ERC1: variants seen among roughly 807,000 people sequenced by gnomAD.
The protein encoded by ERC1 is ELKS/RAB6-interacting/CAST family member 1, also known as RAB6 interacting protein 2.
Under a neutral mutation model 132.0 loss-of-function variants are expected in ERC1, and 56 were observed. The observed-to-expected ratio is 0.42, with a 90% CI of 0.34 to 0.53. The LOEUF is 0.53. Ranked by LOEUF, ERC1 falls within the 20% of genes least tolerant of loss-of-function variation. The pLI, the probability that ERC1 is intolerant of heterozygous loss-of-function variation, is 0.03. For synonymous variants in ERC1, 478 were observed against 476.1 expected (o/e 1.00, Z -0.05); for missense variants, 1,202 against 1,349.9 (o/e 0.89, Z 1.72).
In ERC1 at chr12:1,378,315, A is replaced by G. The variant is rs566886782; in HGVS notation, c.2925+6338A>G. On this transcript the variant is annotated intron_variant, in intron 16 of 18. Coordinates refer to ENST00000360905, the MANE Select transcript of ERC1 (RefSeq NM_178040.4). Reference sequence around the variant, plus strand: ...GAGACAGTAAATAATTGATTCTTACATGTCAGACTGATTGTCGGCTCTCTG... The same window carrying G: ...GAGACAGTAAATAATTGATTCTTACGTGTCAGACTGATTGTCGGCTCTCTG... 3.3e-5 allele frequency among the ~76,000 whole-genome samples: 5 copies of G among 152,358 alleles called. No homozygotes were observed. The South Asian group carries it at 8.3e-4, about 25-fold the overall frequency.
chr12:1,121,217 C>T (rs551351105), intron 7 of ERC1, among the ~76,000 whole-genome samples: 11 of 152,284 alleles, frequency 7.2e-5, no homozygotes, highest in African/African-American at 2.2e-4. Flanking sequence ...CGATTCAAAC[C>T]CGCAAACTTG....
chr12:1,291,296 TA>T (rs2079434909), intron 15 of ERC1, among the ~76,000 whole-genome samples: 1 of 152,068 alleles, frequency 6.6e-6, no homozygotes, highest in South Asian at 2.1e-4. Context: ...TGGATTGGCA[TA>T]GGGGGAGAAT....
rs142103133 is a variant in ERC1, at chr12:1,390,582, A to G, written c.2926-17567A>G. 4.7e-4 allele frequency: 72 copies of G among 152,354 alleles called. 2 individuals carry two copies. In the East Asian group the frequency reaches 0.013, roughly 27 times the overall value. 9.4% of individuals were successfully genotyped at this position (152,354 alleles called of 1,614,324 possible). On this transcript the variant is annotated intron_variant, in intron 16 of 18. Coordinates refer to ENST00000360905, the MANE Select transcript of ERC1 (RefSeq NM_178040.4). ...AACCTAAAAACTGGAAGGAAAGTCA[A>G]AAGTACTTACCAGAGCATGCTTAGG... is the stretch of plus-strand genomic sequence containing the variant.
At chr12:1,084,180 ACTTTTC>A (rs1942636946) in intron 3 of ERC1, among the ~76,000 whole-genome samples, 2 of 152,168 alleles carry the variant, frequency 1.3e-5, no homozygotes, top group African/African-American at 4.8e-5. Context: ...ATAATTTTTT[ACTTTTC>A]TAAATAATGT....
intron 15 of ERC1, among the ~76,000 whole-genome samples, chr12:1,313,061 A>G (rs573949405): frequency 6.6e-6 from 1 of 152,170 alleles, no homozygotes; most frequent in African/African-American, 2.4e-5. Context: ...TTAATAGGCA[A>G]TTTGGGGCTG....
intron 6 of ERC1, 157 bp downstream of exon 6, chr12:1,112,455 C>A (rs766745254): frequency 3.7e-5 from 20 of 543,452 alleles, no homozygotes; most frequent in Non-Finnish European, 6.0e-5. Flanking sequence ...TTAACTGACT[C>A]CTGTTCACTA....
chr12:1,155,869 A>AT (rs1011872613), intron 8 of ERC1, among the ~76,000 whole-genome samples: 1 of 151,894 alleles, frequency 6.6e-6, no homozygotes, highest in African/African-American at 2.4e-5. Flanking sequence ...AAGGTAAAAA[A>AT]AAAATAAATA....
At chr12:1,431,704 A>G (rs1444678423) in intron 17 of ERC1, among the ~76,000 whole-genome samples, 1 of 152,154 alleles carries the variant, frequency 6.6e-6, no homozygotes, top group South Asian at 2.1e-4. Flanking sequence ...ATTATTCTTG[A>G]TACAAGTACT....
At chr12:1,309,368 T>C (rs1354799085) in intron 15 of ERC1, among the ~76,000 whole-genome samples, 1 of 152,214 alleles carries the variant, frequency 6.6e-6, no homozygotes, top group Non-Finnish European at 1.5e-5. Context: ...GGTGCTGCAG[T>C]GCACAATTTG....
At chr12:1,122,229 A>G (rs376577046) in intron 7 of ERC1, among the ~76,000 whole-genome samples, 1 of 46,020 alleles carries the variant, frequency 2.2e-5, no homozygotes, top group African/African-American at 1.3e-4. Context: ...CTCTATCTCT[A>G]TCTCTATCTG....
At chr12:1,451,010 G>T (rs1394164498) in intron 18 of ERC1, among the ~76,000 whole-genome samples, 1 of 152,110 alleles carries the variant, frequency 6.6e-6, no homozygotes, top group East Asian at 1.9e-4. Context: ...GTTTTCTGTT[G>T]TTGTTGTTAC....
chr12:1,494,666 G>C lies in ERC1; in HGVS notation c.*4436G>C, dbSNP rs1565556041. 1 of 230,994 alleles carries C rather than the reference G, an allele frequency of 4.3e-6. No homozygotes were observed. Among genetic ancestry groups the C allele is most frequent in the Admixed American group, 5.6e-5 (1 of 17,706 alleles). 14.3% of individuals were successfully genotyped at this position (230,994 alleles called of 1,614,324 possible). A position where few individuals can be genotyped will look rare whatever the true frequency, so the allele number is the denominator to read the frequency against. Reference sequence around the variant, plus strand: ...GAAGTGGTTTTAGGGATTGATTTGGGGGAGCGGGTTTTTGTCCCATCCCAC... The same window carrying C: ...GAAGTGGTTTTAGGGATTGATTTGGCGGAGCGGGTTTTTGTCCCATCCCAC... On this transcript the variant is annotated 3_prime_UTR_variant, in exon 19 of 19. Coordinates refer to ENST00000360905, the MANE Select transcript of ERC1 (RefSeq NM_178040.4).
rs866450051 is a variant in ERC1, at chr12:1,363,655, A to G, written c.2781-8178A>G. Among the ~76,000 whole-genome samples the G allele has an allele frequency of 1.1e-4, 16 of 151,118 alleles. 1 individual carries two copies. In the South Asian group the frequency reaches 2.1e-3, roughly 20 times the overall value. On this transcript the variant is annotated intron_variant, in intron 15 of 18. Transcript: ENST00000360905. ...CTGCAGCCTCGACCTCCTGGGCTCA[A>G]AGGATGCTCCCACCTCAGTCCCCCA...
At chr12:1,215,703 T>A (rs1036760706) in intron 12 of ERC1, among the ~76,000 whole-genome samples, 1 of 152,120 alleles carries the variant, frequency 6.6e-6, no homozygotes, top group African/African-American at 2.4e-5. Flanking sequence ...AATGAGTGCA[T>A]GTATGCTCTT....
At chr12:1,264,541 G>A (rs1173369665) in intron 14 of ERC1, among the ~76,000 whole-genome samples, 3 of 152,074 alleles carry the variant, frequency 2.0e-5, no homozygotes, top group African/African-American at 7.2e-5. Context: ...GCGGGCGCCT[G>A]TAGTCCCAGC....
chr12:1,149,210 A>T lies in ERC1; in HGVS notation c.1737+7423A>T, dbSNP rs535711780. On this transcript the variant is annotated intron_variant, in intron 8 of 18. Transcript: ENST00000360905. The stretch of plus-strand genomic sequence containing the variant: ...TTTTCTTGGTAAAACGTGCAGTTTT[A>T]TGTATTTTTAGGCAGGAGTAACAAC... Among the ~76,000 whole-genome samples, 363 of 152,242 alleles carry T rather than the reference A, an allele frequency of 2.4e-3. 1 individual carries two copies. Among genetic ancestry groups the T allele is most frequent in the African/African-American group, 7.6e-3 (317 of 41,566 alleles).
At chr12:1,125,266 T>A (rs541955302) in intron 7 of ERC1, among the ~76,000 whole-genome samples, 1 of 151,782 alleles carries the variant, frequency 6.6e-6, no homozygotes, top group South Asian at 2.1e-4. Flanking sequence ...AGTGCTGGGA[T>A]TACAGGCATG....
At chr12:1,460,981 T>TTTTTTTTTTTTTTTTTC (rs61029874) in intron 18 of ERC1, among the ~76,000 whole-genome samples, 1 of 137,788 alleles carries the variant, frequency 7.3e-6, no homozygotes, top group African/African-American at 2.9e-5. Flanking sequence ...TTTTTTTTTT[T>TTTTTTTTTTTTTTTTTC]CATTTTTCTA....
rs771123374 is a variant in ERC1, at chr12:1,027,941, C to G, written c.38C>G (p.Pro13Arg). Residue 13 changes from proline to arginine, a missense_variant, in exon 2 of 19, where the codon CCG becomes CGG. Transcript: ENST00000360905. ...GSARSVGKVE[P>R]SSQSPGRSPR... is the part of the protein sequence containing the mutation. Reference sequence around the variant, plus strand: ...GCCCGCTCTGTTGGGAAGGTGGAGCCGAGCAGCCAGAGCCCTGGGCGTTCA... The same window carrying G: ...GCCCGCTCTGTTGGGAAGGTGGAGCGGAGCAGCCAGAGCCCTGGGCGTTCA... 6.2e-7 allele frequency: 1 copy of G among 1,612,098 alleles called. No homozygotes were observed. The highest frequency in any genetic ancestry group is 8.5e-7 in the Non-Finnish European group (1 of 1,178,460).
Sources: allele counts gnomAD v4.1 joint callset (sites outside exome capture counted in the v4.1 genomes callset), GRCh38; gene constraint gnomAD v4.1.1; transcripts MANE v1.5; gene names NCBI Gene and HGNC (gene_info 2026-07-23, HGNC 2026-07-21).